The following PHF6 variants were observed in gnomAD, a reference collection of about 807,000 sequenced individuals.
PHF6 encodes the protein PHD finger protein 6.
Under a neutral mutation model 34.0 loss-of-function variants are expected in PHF6, and 7 were observed. The observed-to-expected ratio is 0.21, with a 90% CI of 0.12 to 0.39. The LOEUF (loss-of-function observed/expected upper bound fraction) is 0.39. Ranked by LOEUF, PHF6 falls within the 10% of genes least tolerant of loss-of-function variation. The probability of loss-of-function intolerance (pLI) is 1.00; values close to 1 mark genes in which losing one functional copy is unlikely to be tolerated. For synonymous variants in PHF6, 89 were observed against 88.4 expected, an observed-to-expected ratio of 1.01 and a Z score of -0.04; for missense variants, 128 against 262.8, an observed-to-expected ratio of 0.49 and a Z score of 3.55.
intron 3 of PHF6, among the ~76,000 whole-genome samples, chrX:134,380,069 G>A (rs987268351): frequency 2.7e-5 from 3 of 111,140 alleles, no homozygotes; most frequent in African/African-American, 9.8e-5. Flanking sequence ...CAAATGCAAT[G>A]CCTAGTGTTA....
At chrX:134,422,786 G>A (rs2077496413) in intron 9 of PHF6, among the ~76,000 whole-genome samples, 2 of 111,532 alleles carry the variant, frequency 1.8e-5, no homozygotes, top group Admixed American at 1.9e-4. Flanking sequence ...TGTTTGACCA[G>A]TTGACACCTG....
intron 3 of PHF6, among the ~76,000 whole-genome samples, chrX:134,389,148 A>G (rs754167030): frequency 1.8e-5 from 2 of 111,204 alleles, no homozygotes; most frequent in Admixed American, 9.7e-5. Context: ...ATTATTATTA[A>G]TGAAGAAGTT....
chrX:134,401,057 T>C (rs1256744171), intron 5 of PHF6, among the ~76,000 whole-genome samples: 1 of 111,654 alleles, frequency 9.0e-6, no homozygotes, highest in Non-Finnish European at 1.9e-5. Flanking sequence ...GCATTTGTGG[T>C]CCCAGAGTGT....
Position 134,425,301 on chromosome X carries a change from C to A in PHF6, c.1069C>A (p.Leu357Ile). 1 of 1,211,279 alleles carries A rather than the reference C, an allele frequency of 8.3e-7. No homozygotes were observed. The highest frequency in any genetic ancestry group is 3.0e-5 in the East Asian group (1 of 33,804). Reference sequence around the variant, plus strand: ...AAAAGTAGAAATTGATCAGCAACAACTAACTCAGCAGCAACTTAATGGAAA... The same window carrying A: ...AAAAGTAGAAATTGATCAGCAACAAATAACTCAGCAGCAACTTAATGGAAA... Reference protein sequence around the residue: ...RGKVEIDQQQLTQQQLNGN With the variant: ...RGKVEIDQQQITQQQLNGN Residue 357 changes from leucine (L) to isoleucine (I), a missense_variant, in exon 10 of 11, where the codon CTA becomes ATA. Physicochemically the swap from Leu to Ile is conservative, Grantham distance 5 (BLOSUM62 2). This residue lies in a region of PHF6 where 15 missense variants were observed against 16.2 expected (regional missense o/e 0.93). Coordinates refer to ENST00000370803, the MANE Select transcript of PHF6 (RefSeq NM_001015877.2).
intron 5 of PHF6, among the ~76,000 whole-genome samples, chrX:134,395,108 C>T (rs2077372074): frequency 9.0e-6 from 1 of 111,213 alleles, no homozygotes; most frequent in South Asian, 3.8e-4. Context: ...TCACCTCGGC[C>T]TCCCAAAGTG....
chrX:134,381,717 C>T (rs940548047), intron 3 of PHF6, among the ~76,000 whole-genome samples: 7 of 110,486 alleles, frequency 6.3e-5, no homozygotes, highest in Non-Finnish European at 1.3e-4. Context: ...TCGCGAACTC[C>T]TGACCTCAGG....
chrX:134,421,316 A>G (rs2077490969), intron 9 of PHF6, among the ~76,000 whole-genome samples: 1 of 111,888 alleles, frequency 8.9e-6, no homozygotes, highest in African/African-American at 3.2e-5. Flanking sequence ...TGTATGCAGA[A>G]AAATCTCTAG....
intron 5 of PHF6, among the ~76,000 whole-genome samples, chrX:134,407,518 A>G (rs898328330): frequency 8.9e-6 from 1 of 112,438 alleles, no homozygotes; most frequent in Admixed American, 9.4e-5. Context: ...ATATACTGAC[A>G]TGGAAAGTTG....
intron 1 of PHF6, among the ~76,000 whole-genome samples, chrX:134,376,682 T>G (rs1297525885): frequency 2.7e-5 from 3 of 112,170 alleles, no homozygotes; most frequent in Non-Finnish European, 5.6e-5. Flanking sequence ...TATCAGTTTG[T>G]GACTTTAATT....
At position 134,376,922 on chromosome X, in the gene PHF6, C is replaced by T. The variant is rs187451543; in HGVS notation, c.-46-650C>T. Among the ~76,000 whole-genome samples, 8 of 111,635 alleles carry T rather than the reference C, an allele frequency of 7.2e-5. No individual in the cohort carries two copies. The East Asian group carries it at 1.9e-3, about 27-fold the overall frequency. On this transcript the variant is annotated intron_variant, in intron 1 of 10. Transcript: ENST00000370803. The stretch of plus-strand genomic sequence containing the variant: ...GTCATAGTTAGGTAAATTCGTTTTA[C>T]TTTTATTGTTTTATCAATATGTGAA...
At chrX:134,413,437 C>T (rs777823095) in intron 5 of PHF6, 54 bp from the exon 6 acceptor site, 1 of 1,146,002 alleles carries the variant, frequency 8.7e-7, no homozygotes, top group South Asian at 1.8e-5. Context: ...GACCCATGAA[C>T]TAATACTTAT....
intron 3 of PHF6, among the ~76,000 whole-genome samples, chrX:134,384,994 T>C (rs1245035631): frequency 9.0e-6 from 1 of 111,545 alleles, no homozygotes; most frequent in Non-Finnish European, 1.9e-5. Flanking sequence ...GTCTTGCTCC[T>C]CCCACCCTTC....
At chrX:134,395,354 G>A (rs2077373170) in intron 5 of PHF6, among the ~76,000 whole-genome samples, 1 of 112,023 alleles carries the variant, frequency 8.9e-6, no homozygotes, top group South Asian at 3.6e-4. Flanking sequence ...TTATTTAATA[G>A]TTTGTTTCTA....
chrX:134,423,273 T>TA (rs756119592), intron 9 of PHF6, among the ~76,000 whole-genome samples: 19 of 112,270 alleles, frequency 1.7e-4, no homozygotes, highest in Non-Finnish European at 3.0e-4. Context: ...TTGCATTTGA[T>TA]ATGTCTCTTA....
Position 134,416,674 on chromosome X carries a change from G to A in PHF6, c.835-495G>A, listed in dbSNP as rs912399223. ...TTTCAACAGGTACCTTTTAATCTCC[G>A]AACATTCTTCAGGCAAGGTTTATCT... On this transcript the variant is annotated intron_variant, in intron 8 of 10. Transcript: ENST00000370803. Among the ~76,000 whole-genome samples the A allele has an allele frequency of 9.8e-5, 11 of 111,911 alleles. No individual in the cohort carries two copies. In the East Asian group the frequency reaches 1.1e-3, roughly 11 times the overall value.
At chrX:134,385,531 C>T (rs1399890784) in intron 3 of PHF6, among the ~76,000 whole-genome samples, 1 of 111,505 alleles carries the variant, frequency 9.0e-6, no homozygotes, top group Admixed American at 9.6e-5. Context: ...AGTGGGTGCT[C>T]ATTGTTGGTG....
Position 134,393,968 on chromosome X carries a change from A to G in PHF6, c.418+16A>G. The G allele has an allele frequency of 8.3e-7, 1 of 1,205,824 alleles. No homozygotes were observed. The highest frequency in any genetic ancestry group is 1.1e-6 in the Non-Finnish European group (1 of 890,218). ...AACTCCGAAGGTACATCATTTAGCC[A>G]CGTTTCAGCCACTTTTCAGTTTCAA... On this transcript the variant is annotated intron_variant, in intron 5 of 10. Coordinates refer to ENST00000370803, the MANE Select transcript of PHF6 (RefSeq NM_001015877.2).
chrX:134,398,282 C>T (rs942757448), intron 5 of PHF6, among the ~76,000 whole-genome samples: 2 of 111,307 alleles, frequency 1.8e-5, no homozygotes, highest in African/African-American at 3.3e-5. Flanking sequence ...CCCAGCTACT[C>T]GGGAGGCTGA....
intron 9 of PHF6, chrX:134,419,918 C>A (rs780521924): frequency 8.9e-6 from 1 of 112,360 alleles, no homozygotes; most frequent in Non-Finnish European, 1.9e-5. Context: ...CATTGACTCA[C>A]GTCTATAATC....
Sources: gnomAD v4.1 joint callset for allele counts (sites outside exome capture counted in the v4.1 genomes callset) on GRCh38, gnomAD v4.1.1 for gene constraint, gnomAD v4.1.1 regional missense constraint, MANE v1.5 for transcripts, NCBI Gene and HGNC (gene_info 2026-07-23, HGNC 2026-07-21) for gene names.